Variants in GRXCR2 observed in about 807,000 individuals in gnomAD.
GRXCR2 encodes glutaredoxin domain-containing cysteine-rich protein 2.
In GRXCR2, 23 loss-of-function variants were observed where a neutral mutation model predicts 24.8. The ratio of observed to expected loss-of-function variants is 0.93; its 90% confidence interval spans 0.67 to 1.32. The LOEUF (loss-of-function observed/expected upper bound fraction) is 1.32, where lower values mean the gene tolerates loss of function less well. Ranked by LOEUF, GRXCR2 falls within the 40% of genes most tolerant of loss-of-function variation. The pLI is 0.00. For missense variants in GRXCR2, 315 were observed against 303.4 expected, an observed-to-expected ratio of 1.04 and a Z score of -0.28; for synonymous variants, 130 against 116.1, an observed-to-expected ratio of 1.12 and a Z score of -0.77.
At chr5:145,884,566 T>A (rs1328065910) in intron 2 of GRXCR2, among the ~76,000 whole-genome samples, 2 of 152,176 alleles carry the variant, frequency 1.3e-5, no homozygotes, top group Non-Finnish European at 2.9e-5. Flanking sequence ...TTAAAAAGTT[T>A]ATCCCCTCAA....
intron 2 of GRXCR2, among the ~76,000 whole-genome samples, chr5:145,862,892 C>A (rs184516806): frequency 3.9e-5 from 6 of 152,226 alleles, no homozygotes; most frequent in East Asian, 3.9e-4. Context: ...TGAACTGTTG[C>A]ATGGAGCATT....
downstream of GRXCR2, among the ~76,000 whole-genome samples, chr5:145,857,913 C>G (rs1756264879): frequency 6.6e-6 from 1 of 152,122 alleles, no homozygotes; most frequent in African/African-American, 2.4e-5. Context: ...CATGAGATAC[C>G]AAAGGGATGA....
chr5:145,901,747 AG>A (rs1757027132), intron 2 of GRXCR2, among the ~76,000 whole-genome samples: 1 of 152,184 alleles, frequency 6.6e-6, no homozygotes, highest in South Asian at 2.1e-4. Flanking sequence ...CAGCAGGAAC[AG>A]TAAGAACAAA....
intron 2 of GRXCR2, among the ~76,000 whole-genome samples, chr5:145,899,273 TA>T (rs1229785590): frequency 6.6e-6 from 1 of 151,874 alleles, no homozygotes; most frequent in Non-Finnish European, 1.5e-5. Context: ...CAAACAAGTG[TA>T]AAAACATTCC....
At chr5:145,867,363 T>C (rs1046661292) in intron 1 of GRXCR2, among the ~76,000 whole-genome samples, 8 of 152,154 alleles carry the variant, frequency 5.3e-5, no homozygotes, top group Non-Finnish European at 1.0e-4. Context: ...AAGCCCATAT[T>C]TTTACCACCT....
At chr5:145,905,028 C>G (rs577734370) in intron 2 of GRXCR2, among the ~76,000 whole-genome samples, 1 of 152,216 alleles carries the variant, frequency 6.6e-6, no homozygotes, top group African/African-American at 2.4e-5. Context: ...TAAAGTCCTA[C>G]TGGTCAAAAC....
downstream of GRXCR2, among the ~76,000 whole-genome samples, chr5:145,857,975 T>A (rs1303926714): frequency 6.6e-6 from 1 of 152,198 alleles, no homozygotes; most frequent in Admixed American, 6.5e-5. Context: ...CTGTCCTGTA[T>A]GCAGCGGGGC....
chr5:145,900,541 C>T (rs1181594961), intron 2 of GRXCR2, among the ~76,000 whole-genome samples: 1 of 152,156 alleles, frequency 6.6e-6, no homozygotes, highest in Non-Finnish European at 1.5e-5. Context: ...TGAAAAAATG[C>T]TCATTCTCAC....
intron 2 of GRXCR2, among the ~76,000 whole-genome samples, chr5:145,879,746 T>C (rs1366482224): frequency 6.6e-6 from 1 of 152,150 alleles, no homozygotes. Context: ...CAACAGAATA[T>C]ACATTCTTCT....
chr5:145,868,908 C>T (rs866814098), intron 1 of GRXCR2, among the ~76,000 whole-genome samples: 2 of 152,158 alleles, frequency 1.3e-5, no homozygotes, highest in East Asian at 1.9e-4. Context: ...GTTCACGTTA[C>T]GTGGTTACAT....
intron 2 of GRXCR2, among the ~76,000 whole-genome samples, chr5:145,865,681 G>A (rs1381167143): frequency 1.3e-5 from 2 of 152,172 alleles, no homozygotes; most frequent in Non-Finnish European, 2.9e-5. Flanking sequence ...ATTGCAACAT[G>A]TTGCAGTTTA....
rs371117941 is a variant in GRXCR2 at position 145,895,373 on chromosome 5, T to C, written c.-69-28645A>G. Among the ~76,000 whole-genome samples the C allele has an allele frequency of 5.9e-4, 90 of 152,292 alleles. 3 individuals are homozygous for C. In the South Asian group the frequency reaches 0.017, roughly 29 times the overall value. On this transcript the variant is annotated intron_variant, in intron 2 of 3. Transcript: ENST00000639411. ...CCTGTTTGCAGATGACATGATTGTA[T>C]ATGTAGAAAACCCCATTGTCTCAGC...
chr5:145,870,990 G>T (rs1756521391), intron 1 of GRXCR2, among the ~76,000 whole-genome samples: 1 of 152,068 alleles, frequency 6.6e-6, no homozygotes, highest in Non-Finnish European at 1.5e-5. Flanking sequence ...AGGATCCCTT[G>T]AGCCCAGGAG....
At chr5:145,889,081 C>A (rs1390306058) in intron 2 of GRXCR2, among the ~76,000 whole-genome samples, 3 of 151,688 alleles carry the variant, frequency 2.0e-5, no homozygotes, top group Admixed American at 2.0e-4. Flanking sequence ...TCGCCTGAAC[C>A]TGGAAGCTGG....
chr5:145,882,170 G>A (rs563566263), intron 2 of GRXCR2, among the ~76,000 whole-genome samples: 2 of 152,150 alleles, frequency 1.3e-5, no homozygotes, highest in South Asian at 2.1e-4. Context: ...ATAGACAAAC[G>A]GGATCTATTT....
rs989221848 is a variant in GRXCR2 at position 145,858,626 on chromosome 5, AATT to A, written c.*1104_*1106del. ...AGAGAATAACAAACAAATCTTGAGA[AATT>A]ATTAAGTTATGAAATCAAAATTATT... On this transcript the variant is annotated 3_prime_UTR_variant, in exon 3 of 3. Coordinates refer to ENST00000377976, the MANE Select transcript of GRXCR2 (RefSeq NM_001080516.2). The A allele has an allele frequency of 1.5e-4, 23 of 152,332 alleles. No individual in the cohort carries two copies. Among genetic ancestry groups the A allele is most frequent in the African/African-American group, 5.1e-4 (21 of 41,576 alleles). The allele number at this position is 152,332 out of a possible 1,614,324, so 9.4% of individuals were successfully genotyped here. A position where few individuals can be genotyped will look rare whatever the true frequency, so the allele number is the denominator to read the frequency against.
chr5:145,929,636 C>T (rs1757453628), intron 2 of GRXCR2, among the ~76,000 whole-genome samples: 2 of 152,072 alleles, frequency 1.3e-5, no homozygotes, highest in Admixed American at 6.5e-5. Context: ...TGGATTTTAC[C>T]AGCAGAATTA....
At position 145,859,778 on chromosome 5, in the gene GRXCR2, G is replaced by A. The variant is rs1184464360; in HGVS notation, c.702C>T (p.Ala234=). The A allele has an allele frequency of 4.3e-6, 7 of 1,614,072 alleles. No individual in the cohort carries two copies. Among genetic ancestry groups the A allele is most frequent in the Non-Finnish European group, 5.1e-6 (6 of 1,180,032 alleles). Residue 234 remains alanine, a synonymous_variant, in exon 3 of 3, where the codon GCC becomes GCT. Coordinates refer to ENST00000377976, the MANE Select transcript of GRXCR2 (RefSeq NM_001080516.2). The stretch of plus-strand genomic sequence containing the variant: ...AAGGCTGTAGGCCATTCTCATTGCA[G>A]GCAGGGCACCTCAGGGCCCGATAGG... ...KESYRALRCP[A]CNENGLQPCQ...
chr5:145,909,915 C>A (rs1007913084), intron 2 of GRXCR2, among the ~76,000 whole-genome samples: 1 of 152,166 alleles, frequency 6.6e-6, no homozygotes, highest in African/African-American at 2.4e-5. Context: ...ATTCCTCTCT[C>A]CTGCACATTT....
Sources: gnomAD v4.1 joint callset for allele counts (sites outside exome capture counted in the v4.1 genomes callset) on GRCh38, gnomAD v4.1.1 for gene constraint, MANE v1.5 for transcripts, NCBI Gene and HGNC (gene_info 2026-07-23, HGNC 2026-07-21) for gene names.